The following FANCA variants were observed in gnomAD, a reference collection of about 807,000 sequenced individuals.
FANCA encodes Fanconi anemia group A protein.
A neutral mutation model predicts 194.3 loss-of-function variants in FANCA; 236 were observed. That is an observed-to-expected ratio of 1.21 (90% confidence interval 1.09 to 1.35). The LOEUF (loss-of-function observed/expected upper bound fraction) is 1.35, where lower values mean the gene tolerates loss of function less well. FANCA is among the 40% of genes most tolerant of loss of function. FANCA has a pLI of 0.00. For synonymous variants in FANCA, 1,014 were observed against 715.8 expected, an observed-to-expected ratio of 1.42 and a Z score of -6.65; for missense variants, 2,628 against 1,813.9, an observed-to-expected ratio of 1.45 and a Z score of -8.15.
rs17227071 is a variant in FANCA at position 89,749,771 on chromosome 16, A to G, written c.3198T>C (p.Ala1066=). 444 of 1,614,252 alleles carry G rather than the reference A, an allele frequency of 2.8e-4. 3 individuals carry two copies. The African/African-American group carries it at 4.7e-3, about 17-fold the overall frequency. Residue 1066 remains alanine (A), a synonymous_variant, in exon 32 of 43, where the codon GCT becomes GCC. Transcript: ENST00000389301. The part of the protein sequence containing the change: ...LQALTSGWSV[A]ASLQRQRELL... ...GCTCCCTCTGTCTCTGAAGGCTGGCAGCCACGCTCCACCCGCTTGTCAGAG... is the reference window on the plus strand; with the variant it reads ...GCTCCCTCTGTCTCTGAAGGCTGGCGGCCACGCTCCACCCGCTTGTCAGAG...
chr16:89,806,347 CTTTTTTTTT>C (rs34862478), intron 6 of FANCA, among the ~76,000 whole-genome samples: 65 of 110,416 alleles, frequency 5.9e-4, no homozygotes, highest in South Asian at 3.1e-3. Context: ...CTATATCATT[CTTTTTTTTT>C]TTTTTTTTTT....
intron 20 of FANCA, among the ~76,000 whole-genome samples, chr16:89,777,273 T>C (rs1246115828): frequency 6.6e-6 from 1 of 151,918 alleles, no homozygotes; most frequent in East Asian, 1.9e-4. Context: ...ACCCAGCTAC[T>C]TGGGAGGCGG....
At position 89,769,825 on chromosome 16, in the gene FANCA, A is replaced by G. The variant is rs1299971836; in HGVS notation, c.2504+12T>C. ...AGAGGAGAGAAGACGCGACTGTGGAAGAAGAGCTCACTTCAGGCAGAAGAA... is the reference window on the plus strand; with the variant it reads ...AGAGGAGAGAAGACGCGACTGTGGAGGAAGAGCTCACTTCAGGCAGAAGAA... On this transcript the variant is annotated intron_variant, in intron 26 of 42. Coordinates refer to ENST00000389301, the MANE Select transcript of FANCA (RefSeq NM_000135.4). The G allele has an allele frequency of 6.2e-6, 10 of 1,613,802 alleles. No homozygotes were observed. The African/African-American group carries it at 1.2e-4, about 19-fold the overall frequency.
intron 5 of FANCA, among the ~76,000 whole-genome samples, chr16:89,809,200 C>A (rs2040782209): frequency 6.6e-6 from 1 of 151,736 alleles, no homozygotes; most frequent in East Asian, 2.0e-4. Flanking sequence ...GCCACTGGGC[C>A]CGGCCCCTAA....
intron 27 of FANCA, 44 bp downstream of exon 27, chr16:89,767,097 G>C: frequency 6.7e-7 from 1 of 1,489,280 alleles, no homozygotes; most frequent in Non-Finnish European, 9.4e-7. Flanking sequence ...GCGTAAACCT[G>C]AAACGTATGG....
chr16:89,761,681 G>A (rs1024994780), intron 29 of FANCA, among the ~76,000 whole-genome samples: 52 of 152,214 alleles, frequency 3.4e-4, no homozygotes, highest in African/African-American at 1.1e-3. Flanking sequence ...CTAAAGTGCA[G>A]TGGTGTGATC....
intron 8 of FANCA, 35 bp from the exon 9 acceptor site, chr16:89,799,673 A>G: frequency 6.4e-7 from 1 of 1,563,968 alleles, no homozygotes; most frequent in Non-Finnish European, 8.8e-7. Context: ...CATCTTGGTA[A>G]TCTTCTGTAA....
chr16:89,738,192 A>C lies in FANCA; in HGVS notation c.*409T>G. The C allele has an allele frequency of 6.2e-7, 1 of 1,611,076 alleles. No individual in the cohort carries two copies. On this transcript the variant is annotated 3_prime_UTR_variant, in exon 43 of 43. Coordinates refer to ENST00000389301, the MANE Select transcript of FANCA (RefSeq NM_000135.4). ...TGGAGGCGGAACCACCACCTGGGCCACCGAGCCCCTCTGTGACCACAGAGG... is the reference window on the plus strand; with the variant it reads ...TGGAGGCGGAACCACCACCTGGGCCCCCGAGCCCCTCTGTGACCACAGAGG...
chr16:89,780,939 A>G (rs1272137621), intron 17 of FANCA, among the ~76,000 whole-genome samples: 1 of 152,144 alleles, frequency 6.6e-6, no homozygotes, highest in Non-Finnish European at 1.5e-5. Context: ...CAAAAAAAAA[A>G]AAAAAGTAAT....
chr16:89,804,688 C>T (rs1158567563), intron 7 of FANCA, among the ~76,000 whole-genome samples: 1 of 152,152 alleles, frequency 6.6e-6, no homozygotes, highest in African/African-American at 2.4e-5. Flanking sequence ...TCTCTCAGCA[C>T]CTTCTTAGTT....
At chr16:89,746,793 C>G (rs763558212) in intron 34 of FANCA, 38 bp downstream of exon 34, 283 of 1,578,488 alleles carry the variant, frequency 1.8e-4, no homozygotes, top group Non-Finnish European at 2.3e-4. Context: ...CCACGGCGTT[C>G]TGAGAAGGCC....
chr16:89,810,602 G>A (rs560785310), intron 5 of FANCA, 105 bp downstream of exon 5: 5 of 809,798 alleles, frequency 6.2e-6, no homozygotes, highest in Non-Finnish European at 1.1e-5. Flanking sequence ...TTAATGAGAA[G>A]CTTGGAGAAT....
intron 35 of FANCA, among the ~76,000 whole-genome samples, chr16:89,746,302 G>A (rs866435076): frequency 6.6e-6 from 1 of 152,198 alleles, no homozygotes; most frequent in African/African-American, 2.4e-5. Flanking sequence ...CACCCCTGTG[G>A]ACATGAAGGT....
Position 89,738,233 on chromosome 16 carries a change from C to T in FANCA, c.*368G>A. The T allele has an allele frequency of 6.2e-7, 1 of 1,604,822 alleles. No individual in the cohort carries two copies. The highest frequency in any genetic ancestry group is 8.5e-7 in the Non-Finnish European group (1 of 1,176,272). ...ACCACAGAGGGCCAGGCGGTGAAGC[C>T]CGAACCCACCTGAGGACGGCAGTGA... On this transcript the variant is annotated 3_prime_UTR_variant, in exon 43 of 43. Coordinates refer to ENST00000389301, the MANE Select transcript of FANCA (RefSeq NM_000135.4).
chr16:89,772,536 G>A (rs2039361369), intron 22 of FANCA, among the ~76,000 whole-genome samples: 1 of 150,680 alleles, frequency 6.6e-6, no homozygotes, highest in Admixed American at 6.7e-5. Flanking sequence ...CCTCCATGTA[G>A]GCCAGGCACG....
intron 39 of FANCA, 136 bp downstream of exon 39, chr16:89,739,858 A>T: frequency 1.3e-6 from 2 of 1,531,014 alleles, no homozygotes. Flanking sequence ...GTTTGTGCTT[A>T]ATCTGTCCCA....
At chr16:89,739,089 C>G (rs779568987) in intron 41 of FANCA, 44 bp downstream of exon 41, 1 of 1,613,920 alleles carries the variant, frequency 6.2e-7, no homozygotes, top group Non-Finnish European at 8.5e-7. Context: ...GAGCCTCCGG[C>G]TGGGGGGAGC....
chr16:89,792,287 C>T lies in FANCA; in HGVS notation c.1083+184G>A, dbSNP rs7196411. 0.049 allele frequency among the ~76,000 whole-genome samples: 7,511 copies of T among 152,256 alleles called. 661 individuals carry two copies. The highest frequency in any genetic ancestry group is 0.17 in the African/African-American group (7,092 of 41,508). On this transcript the variant is annotated intron_variant, in intron 12 of 42. Transcript: ENST00000389301. ...CTCCCTATCTCAAGGAGGAGGGGCT[C>T]GGCCCAAGGGACAAGTTCAGTCTCC...
At chr16:89,768,825 T>C (rs548518488) in intron 26 of FANCA, among the ~76,000 whole-genome samples, 3 of 152,324 alleles carry the variant, frequency 2.0e-5, no homozygotes, top group East Asian at 3.9e-4. Context: ...TAAGAGAGGA[T>C]GGCCCTGTCT....
Sources: gnomAD v4.1 joint callset for allele counts (sites outside exome capture counted in the v4.1 genomes callset) on GRCh38, gnomAD v4.1.1 for gene constraint, MANE v1.5 for transcripts, NCBI Gene and HGNC (gene_info 2026-07-23, HGNC 2026-07-21) for gene names.